Variants in STK3 observed in about 807,000 individuals in gnomAD.
The protein encoded by STK3 is serine/threonine kinase 3, also known as serine/threonine-protein kinase 3.
A neutral mutation model predicts 58.0 loss-of-function variants in STK3; 41 were observed. That is an observed-to-expected ratio of 0.71 (90% confidence interval 0.55 to 0.92). STK3 has a LOEUF of 0.92. Among genes scored for constraint, STK3 ranks in the 40% least tolerant of loss-of-function variants. STK3 has a pLI of 0.00. For missense variants in STK3, 479 were observed against 602.7 expected (o/e 0.79, Z 2.15); for synonymous variants, 170 against 191.0 (o/e 0.89, Z 0.91).
At chr8:98,589,357 G>A (rs545621842) in intron 7 of STK3, among the ~76,000 whole-genome samples, 366 of 152,336 alleles carry the variant, frequency 2.4e-3, no homozygotes, top group African/African-American at 4.6e-3. Flanking sequence ...GTAACCTGCC[G>A]TGTGAGGTGT....
intron 1 of STK3, among the ~76,000 whole-genome samples, chr8:98,801,020 G>A (rs1833512718): frequency 6.6e-6 from 1 of 152,248 alleles, no homozygotes; most frequent in South Asian, 2.1e-4. Context: ...GCCCTGGCAT[G>A]GGATTCACTA....
intron 3 of STK3, among the ~76,000 whole-genome samples, chr8:98,861,434 G>A (rs933870848): frequency 3.1e-5 from 4 of 129,556 alleles, no homozygotes; most frequent in African/African-American, 5.8e-5. Flanking sequence ...TGCAATCTCC[G>A]CCTCCCAGGT....
chr8:98,719,240 TG>T (rs1827235794), intron 4 of STK3, among the ~76,000 whole-genome samples: 1 of 152,142 alleles, frequency 6.6e-6, no homozygotes, highest in Admixed American at 6.6e-5. Flanking sequence ...CTAAAAAGCT[TG>T]GGGTGTTAAT....
intron 1 of STK3, among the ~76,000 whole-genome samples, chr8:98,902,733 T>C (rs1838706104): frequency 6.6e-6 from 1 of 152,232 alleles, no homozygotes; most frequent in Non-Finnish European, 1.5e-5. Context: ...TACACAAAAA[T>C]ACTTCAATGG....
chr8:98,399,156 C>T (rs554245963), downstream of STK3, among the ~76,000 whole-genome samples: 22 of 152,296 alleles, frequency 1.4e-4, no homozygotes, highest in Admixed American at 6.5e-4. Context: ...AGACATACTC[C>T]GTGACTCACC....
chr8:98,845,560 C>A (rs140718343), intron 3 of STK3, among the ~76,000 whole-genome samples: 238 of 152,302 alleles, frequency 1.6e-3, no homozygotes, highest in Non-Finnish European at 2.3e-3. Flanking sequence ...TGATATTTTT[C>A]CGCTGAAAGT....
Position 98,505,708 on chromosome 8 carries a change from G to T in STK3, c.1317+21034C>A, listed in dbSNP as rs551076069. On this transcript the variant is annotated intron_variant, in intron 10 of 10. Coordinates refer to ENST00000419617, the MANE Select transcript of STK3 (RefSeq NM_006281.4). ...GACCACTCCAGACTCTGTTTGCCTG[G>T]GTATCACCAGTGGAGGCTGCAGAAC... 3.9e-5 allele frequency among the ~76,000 whole-genome samples: 6 copies of T among 152,254 alleles called. No homozygotes were observed. In the South Asian group the frequency reaches 1.2e-3, roughly 32 times the overall value.
At chr8:98,496,885 T>C (rs1326819577) in intron 10 of STK3, among the ~76,000 whole-genome samples, 1 of 152,100 alleles carries the variant, frequency 6.6e-6, no homozygotes, top group Admixed American at 6.6e-5. Flanking sequence ...TGGAGATCTG[T>C]CTCATAACAA....
At chr8:98,775,975 A>T (rs1039621599) in intron 1 of STK3, among the ~76,000 whole-genome samples, 1 of 152,224 alleles carries the variant, frequency 6.6e-6, no homozygotes, top group African/African-American at 2.4e-5. Flanking sequence ...AGACACATTA[A>T]TTTTTCAAAG....
intron 3 of STK3, among the ~76,000 whole-genome samples, chr8:98,878,108 A>G (rs1308286871): frequency 6.7e-6 from 1 of 149,388 alleles, no homozygotes; most frequent in Admixed American, 6.7e-5. Flanking sequence ...GCTGGAGTGC[A>G]GTGGTGTGAT....
intron 3 of STK3, among the ~76,000 whole-genome samples, chr8:98,853,600 CT>C (rs1397425442): frequency 2.0e-5 from 3 of 152,314 alleles, no homozygotes; most frequent in Admixed American, 2.0e-4. Context: ...TTGCTGACCC[CT>C]GACTGCTTTT....
At chr8:98,713,291 G>C (rs1826680814) in intron 4 of STK3, among the ~76,000 whole-genome samples, 3 of 152,022 alleles carry the variant, frequency 2.0e-5, no homozygotes, top group African/African-American at 4.8e-5. Flanking sequence ...GATCAGAGCA[G>C]AACTGAAGGA....
chr8:98,431,282 C>A (rs1586558847), intron 3 of STK3: 1 of 167,218 alleles, frequency 6.0e-6, no homozygotes, highest in East Asian at 1.9e-4. Flanking sequence ...GCCCCCAGTT[C>A]AAATCTTTCC....
intron 1 of STK3, among the ~76,000 whole-genome samples, chr8:98,887,526 T>C (rs1838036805): frequency 6.6e-6 from 1 of 152,224 alleles, no homozygotes; most frequent in Admixed American, 6.5e-5. Flanking sequence ...ATATAAGTTA[T>C]TTCTAGTAAA....
At chr8:98,485,720 G>A (rs553707651) in intron 10 of STK3, among the ~76,000 whole-genome samples, 7 of 152,208 alleles carry the variant, frequency 4.6e-5, no homozygotes, top group Non-Finnish European at 1.0e-4. Context: ...TACATGTGAA[G>A]GATAATGAAG....
At chr8:98,501,952 G>C (rs2131365760) in intron 10 of STK3, among the ~76,000 whole-genome samples, 1 of 152,322 alleles carries the variant, frequency 6.6e-6, no homozygotes, top group South Asian at 2.1e-4. Context: ...AAAGGCATTG[G>C]TAGCTTGACG....
chr8:98,385,325 A>C (rs1180962774), intron 1 of STK3, among the ~76,000 whole-genome samples: 1 of 152,178 alleles, frequency 6.6e-6, no homozygotes, highest in Non-Finnish European at 1.5e-5. Flanking sequence ...AACTCAGCAC[A>C]GCCCAAGAGC....
chr8:98,933,218 T>C (rs1490714800), intron 1 of STK3, among the ~76,000 whole-genome samples: 2 of 152,212 alleles, frequency 1.3e-5, no homozygotes, highest in Non-Finnish European at 2.9e-5. Context: ...GTCCTTCCTA[T>C]GTATCAGTTG....
chr8:98,918,511 T>C (rs989296407), intron 1 of STK3, among the ~76,000 whole-genome samples: 1 of 152,214 alleles, frequency 6.6e-6, no homozygotes, highest in African/African-American at 2.4e-5. Context: ...GGCTTATCCC[T>C]GTAATCCCAG....
Sources: gnomAD v4.1 joint callset for allele counts (sites outside exome capture counted in the v4.1 genomes callset) on GRCh38, gnomAD v4.1.1 for gene constraint, MANE v1.5 for transcripts, NCBI Gene and HGNC (gene_info 2026-07-23, HGNC 2026-07-21) for gene names.